Variants in MAML3 observed in about 807,000 individuals in gnomAD.
The protein encoded by MAML3 is mastermind-like protein 3.
MAML3 carries 27 observed loss-of-function variants against 101.9 expected under a neutral mutation model. The ratio of observed to expected loss-of-function variants is 0.27; its 90% confidence interval spans 0.20 to 0.37. MAML3 has a LOEUF of 0.37. Ranked by LOEUF, MAML3 falls within the 10% of genes least tolerant of loss-of-function variation. The pLI is 1.00. For synonymous variants in MAML3, 501 were observed against 555.9 expected (o/e 0.90, Z 1.39); for missense variants, 1,316 against 1,444.9 (o/e 0.91, Z 1.45).
At chr4:139,754,424 CA>C (rs1729601199) in intron 2 of MAML3, among the ~76,000 whole-genome samples, 1 of 152,296 alleles carries the variant, frequency 6.6e-6, no homozygotes, top group South Asian at 2.1e-4. Context: ...AACATTCATT[CA>C]AACAAGACAA....
At chr4:140,066,697 T>C (rs886535782) in intron 1 of MAML3, among the ~76,000 whole-genome samples, 3 of 152,160 alleles carry the variant, frequency 2.0e-5, no homozygotes, top group African/African-American at 7.2e-5. Flanking sequence ...GCAGGGAATA[T>C]ACACAGCACA....
intron 2 of MAML3, among the ~76,000 whole-genome samples, chr4:139,837,938 A>AAGAATAT (rs1553959644): frequency 6.8e-6 from 1 of 147,532 alleles, no homozygotes; most frequent in African/African-American, 2.6e-5. Flanking sequence ...AAAAGAAAAA[A>AAGAATAT]ATATATACAT....
intron 1 of MAML3, among the ~76,000 whole-genome samples, chr4:139,985,948 A>G (rs1478994309): frequency 6.6e-6 from 1 of 152,260 alleles, no homozygotes; most frequent in Non-Finnish European, 1.5e-5. Flanking sequence ...GCTGTCTCTG[A>G]GGCCATGCCT....
At chr4:139,977,124 C>A (rs1734353906) in intron 1 of MAML3, among the ~76,000 whole-genome samples, 1 of 152,096 alleles carries the variant, frequency 6.6e-6, no homozygotes, top group Non-Finnish European at 1.5e-5. Flanking sequence ...AAGAAGGCAC[C>A]ATCTATGAAC....
intron 1 of MAML3, among the ~76,000 whole-genome samples, chr4:140,074,519 G>A (rs577639738): frequency 8.1e-4 from 123 of 152,264 alleles, no homozygotes; most frequent in Middle Eastern, 3.4e-3. Flanking sequence ...GATGCCCCAC[G>A]TGGAAAATTC....
At chr4:140,035,227 G>C (rs1362729843) in intron 1 of MAML3, among the ~76,000 whole-genome samples, 2 of 152,100 alleles carry the variant, frequency 1.3e-5, no homozygotes, top group Non-Finnish European at 2.9e-5. Flanking sequence ...ACCTGCCTCA[G>C]TCTCCAAAAG....
intron 1 of MAML3, among the ~76,000 whole-genome samples, chr4:139,982,569 G>A (rs940555552): frequency 4.6e-5 from 7 of 152,084 alleles, no homozygotes; most frequent in African/African-American, 1.7e-4. Flanking sequence ...CTACCACATA[G>A]GTTAGCATAT....
Position 139,798,040 on chromosome 4 carries a change from GAAAGAA to G in MAML3, c.2080-67379_2080-67374del, listed in dbSNP as rs1560797506. The stretch of plus-strand genomic sequence containing the variant: ...AGGAAAGAAAGGAGAGAGAGAGAAA[GAAAGAA>G]AGAAAGAAAGAAAGAAAGAAAGAAA... On this transcript the variant is annotated intron_variant, in intron 2 of 4. Transcript: ENST00000509479. Among the ~76,000 whole-genome samples the G allele has an allele frequency of 6.0e-3, 121 of 20,276 alleles. 1 individual carries two copies. The highest frequency in any genetic ancestry group is 0.013 in the African/African-American group (108 of 8,538). 13.3% of individuals were successfully genotyped at this position (20,276 alleles called of 152,430 possible). A position where few individuals can be genotyped will look rare whatever the true frequency, so the allele number is the denominator to read the frequency against.
intron 1 of MAML3, among the ~76,000 whole-genome samples, chr4:139,936,151 A>T (rs1366711736): frequency 6.6e-6 from 1 of 152,128 alleles, no homozygotes; most frequent in East Asian, 1.9e-4. Context: ...TACATTTAGC[A>T]TAATGTCCTC....
chr4:139,940,978 T>C (rs563070666), intron 1 of MAML3, among the ~76,000 whole-genome samples: 26 of 152,322 alleles, frequency 1.7e-4, no homozygotes, highest in Admixed American at 9.2e-4. Flanking sequence ...AGATCACAAG[T>C]GATGCTGATG....
At chr4:139,882,820 G>T (rs1042306789) in intron 2 of MAML3, among the ~76,000 whole-genome samples, 3 of 152,206 alleles carry the variant, frequency 2.0e-5, no homozygotes, top group African/African-American at 7.2e-5. Flanking sequence ...CTGCACTCCA[G>T]CCTGGGCGAT....
At chr4:140,086,329 C>A (rs1727950897) in intron 1 of MAML3, among the ~76,000 whole-genome samples, 1 of 152,230 alleles carries the variant, frequency 6.6e-6, no homozygotes, top group Non-Finnish European at 1.5e-5. Flanking sequence ...GATAAGCACA[C>A]ATGCTTGGAC....
At chr4:139,852,447 C>CT (rs1305527195) in intron 2 of MAML3, among the ~76,000 whole-genome samples, 3 of 113,176 alleles carry the variant, frequency 2.7e-5, no homozygotes, top group African/African-American at 1.1e-4. Flanking sequence ...GAGTCTCACT[C>CT]TGTCACCCAG....
chr4:139,941,546 TGG>T (rs1449785915), intron 1 of MAML3, among the ~76,000 whole-genome samples: 4,457 of 135,342 alleles, frequency 0.033, 218 homozygotes, highest in African/African-American at 0.14. Context: ...TTGTTGTTGG[TGG>T]TGGTGGTGGT....
At chr4:140,053,777 T>C (rs1189422353) in intron 1 of MAML3, among the ~76,000 whole-genome samples, 1 of 152,228 alleles carries the variant, frequency 6.6e-6, no homozygotes. Flanking sequence ...CAAAACTTTA[T>C]TTCTGGACAC....
At chr4:140,110,649 T>C (rs1036884246) in intron 1 of MAML3, among the ~76,000 whole-genome samples, 1 of 151,996 alleles carries the variant, frequency 6.6e-6, no homozygotes, top group African/African-American at 2.4e-5. Flanking sequence ...AAAGGCAACA[T>C]TCAAAGTCAC....
chr4:139,716,987 G>GTGA lies in MAML3; in HGVS notation c.*2333_*2335dup, dbSNP rs1183325052. On this transcript the variant is annotated 3_prime_UTR_variant, in exon 5 of 5. Transcript: ENST00000509479. ...TCATCTGAAGTGCAATACCACTGCT[G>GTGA]TGATGATGAGTTAAGGAATGAAATA... is the stretch of plus-strand genomic sequence containing the variant. The GTGA allele has an allele frequency of 3.3e-5, 5 of 152,584 alleles. No homozygotes were observed. The highest frequency in any genetic ancestry group is 7.3e-5 in the Non-Finnish European group (5 of 68,030). The allele number at this position is 152,584 out of a possible 1,614,324, so 9.5% of individuals were successfully genotyped here. A position where few individuals can be genotyped will look rare whatever the true frequency, so the allele number is the denominator to read the frequency against.
chr4:140,111,560 C>T (rs892353693), intron 1 of MAML3, among the ~76,000 whole-genome samples: 10 of 152,246 alleles, frequency 6.6e-5, no homozygotes, highest in African/African-American at 2.2e-4. Context: ...TAGCTTTGTC[C>T]CCTTCCCCTT....
chr4:140,045,587 T>G (rs962838056), intron 1 of MAML3, among the ~76,000 whole-genome samples: 13 of 152,198 alleles, frequency 8.5e-5, no homozygotes, highest in Non-Finnish European at 1.3e-4. Flanking sequence ...GCTAATCTCC[T>G]GTGGTTGGAC....
Sources: allele counts gnomAD v4.1 joint callset (sites outside exome capture counted in the v4.1 genomes callset), GRCh38; gene constraint gnomAD v4.1.1; transcripts MANE v1.5; gene names NCBI Gene and HGNC (gene_info 2026-07-23, HGNC 2026-07-21).